ZNF581: variants seen among roughly 807,000 people sequenced by gnomAD.
ZNF581 encodes zinc finger protein 581.
In ZNF581, 1 loss-of-function variant was observed where a neutral mutation model predicts 1.2. The ratio of observed to expected loss-of-function variants is 0.83; its 90% confidence interval spans 0.30 to 3.95. The LOEUF (loss-of-function observed/expected upper bound fraction) is 3.95. Ranked by LOEUF, ZNF581 falls within the 30% of genes most tolerant of loss-of-function variation. The probability of loss-of-function intolerance (pLI) is 0.18; values close to 1 mark genes in which losing one functional copy is unlikely to be tolerated. For missense variants in ZNF581, 273 were observed against 274.6 expected, an observed-to-expected ratio of 0.99 and a Z score of 0.04; for synonymous variants, 105 against 109.2, an observed-to-expected ratio of 0.96 and a Z score of 0.24.
chr19:55,638,043 T>C (rs181754722), upstream of ZNF581, among the ~76,000 whole-genome samples: 61 of 152,300 alleles, frequency 4.0e-4, no homozygotes, highest in Non-Finnish European at 7.5e-4. Context: ...AGTGAATACC[T>C]GAGGCTGGGT....
chr19:55,639,249 C>T (rs572033137), upstream of ZNF581, among the ~76,000 whole-genome samples: 8 of 152,022 alleles, frequency 5.3e-5, no homozygotes, highest in African/African-American at 1.7e-4. Context: ...GGATGCTGCT[C>T]AACACTCTAC....
At chr19:55,639,975 AGT>A (rs1982346084), upstream of ZNF581, among the ~76,000 whole-genome samples, 1 of 152,232 alleles carries the variant, frequency 6.6e-6, no homozygotes, top group Non-Finnish European at 1.5e-5. Flanking sequence ...ACATTTCAAG[AGT>A]GTAAGAGTCC....
At chr19:55,639,801 GAGA>G (rs1982332734), upstream of ZNF581, among the ~76,000 whole-genome samples, 1 of 152,140 alleles carries the variant, frequency 6.6e-6, no homozygotes, top group African/African-American at 2.4e-5. Context: ...ACTTTTAGTA[GAGA>G]AGGAGTTTCA....
At chr19:55,635,005 T>C (rs1473758259), upstream of ZNF581, 1 of 152,086 alleles carries the variant, frequency 6.6e-6, no homozygotes, top group Admixed American at 6.6e-5. Context: ...AAGTCGTCAC[T>C]GCGGCCGCTT....
rs866915317 is a variant in ZNF581 at position 55,644,476 on chromosome 19, G to C, written c.-19-77G>C. On this transcript the variant is annotated intron_variant, in intron 1 of 1. Coordinates refer to ENST00000270451, the MANE Select transcript of ZNF581 (RefSeq NM_016535.4). This position sits in a 1 kb window ranked among gnomAD's most constrained non-coding sequence, Gnocchi z 4.3. ...GCAGAGGTCCTGGGCCGGGTATAGG[G>C]AGGGAAAAGGATGGAGCCTGTGGTG... The C allele has an allele frequency of 1.1e-6, 1 of 929,012 alleles. No individual in the cohort carries two copies. The highest frequency in any genetic ancestry group is 1.7e-5 in the African/African-American group (1 of 59,996). 57.5% of individuals were successfully genotyped at this position (929,012 alleles called of 1,614,324 possible).
At position 55,644,204 on chromosome 19, in the gene ZNF581, A is replaced by AG. The variant is rs1982716342; in HGVS notation, c.-19-345dup. Among the ~76,000 whole-genome samples, 1 of 137,414 alleles carries AG rather than the reference A, an allele frequency of 7.3e-6. No individual in the cohort carries two copies. Among genetic ancestry groups the AG allele is most frequent in the African/African-American group, 2.7e-5 (1 of 37,374 alleles). 90.1% of individuals were successfully genotyped at this position (137,414 alleles called of 152,430 possible). A position where few individuals can be genotyped will look rare whatever the true frequency, so the allele number is the denominator to read the frequency against. On this transcript the variant is annotated intron_variant, in intron 1 of 1. Transcript: ENST00000270451. The surrounding 1 kb of genome is among the most constrained non-coding windows in gnomAD (Gnocchi z 4.3). The stretch of plus-strand genomic sequence containing the variant: ...GCAGACCCTGGAAAGGGCTAGAAGG[A>AG]GGGGAGGGAGAGGCCTGGAGGCCTG...
chr19:55,641,001 C>T, upstream of ZNF581: 4 of 985,386 alleles, frequency 4.1e-6, no homozygotes, highest in Non-Finnish European at 4.8e-6. Context: ...TTCCGGCCGG[C>T]GCCTTTTCCC....
Position 55,644,091 on chromosome 19 carries a change from G to C in ZNF581, c.-20+317G>C, listed in dbSNP as rs1366689939. 6.6e-6 allele frequency among the ~76,000 whole-genome samples: 1 copy of C among 152,174 alleles called. No homozygotes were observed. Among genetic ancestry groups the C allele is most frequent in the Admixed American group, 6.5e-5 (1 of 15,274 alleles). ...TGGCTGGAGAGAGGGCCGGAACCTGGGGGTCCTAACGTCGGAGCCCCTGTG... is the reference window on the plus strand; with the variant it reads ...TGGCTGGAGAGAGGGCCGGAACCTGCGGGTCCTAACGTCGGAGCCCCTGTG... On this transcript the variant is annotated intron_variant, in intron 1 of 1. Transcript: ENST00000270451. The surrounding 1 kb of genome is among the most constrained non-coding windows in gnomAD (Gnocchi z 4.3).
In ZNF581 at chr19:55,644,039, G is replaced by C. The variant is rs1309919211; in HGVS notation, c.-20+265G>C. 6.6e-6 allele frequency among the ~76,000 whole-genome samples: 1 copy of C among 152,226 alleles called. No homozygotes were observed. Among genetic ancestry groups the C allele is most frequent in the African/African-American group, 2.4e-5 (1 of 41,458 alleles). ...GAGAGAACCTGAGGTGGGTGGACGGGTGGGAGCACGGAGTTGTTCAGACAC... is the reference window on the plus strand; with the variant it reads ...GAGAGAACCTGAGGTGGGTGGACGGCTGGGAGCACGGAGTTGTTCAGACAC... On this transcript the variant is annotated intron_variant, in intron 1 of 1. Coordinates refer to ENST00000270451, the MANE Select transcript of ZNF581 (RefSeq NM_016535.4). This position sits in a 1 kb window ranked among gnomAD's most constrained non-coding sequence, Gnocchi z 4.3.
upstream of ZNF581, chr19:55,643,057 C>T (rs992185525): frequency 9.7e-6 from 13 of 1,341,864 alleles, no homozygotes; most frequent in Non-Finnish European, 1.2e-5. Flanking sequence ...CTGCCCTGCC[C>T]GTCTCAGGGC....
upstream of ZNF581, chr19:55,640,148 T>C (rs528789660): frequency 1.1e-3 from 1,064 of 985,480 alleles, 18 homozygotes; most frequent in African/African-American, 0.017. Flanking sequence ...ATGCTGCTGC[T>C]GCCGCCCTCC....
rs554739787 is a variant in ZNF581, at chr19:55,644,507, C to T, written c.-19-46C>T. The stretch of plus-strand genomic sequence containing the variant: ...AAAGGATGGAGCCTGTGGTGCTGAG[C>T]TGCCCTCTTCTATATAACCTTCTTA... On this transcript the variant is annotated intron_variant, in intron 1 of 1. Transcript: ENST00000270451. This position sits in a 1 kb window ranked among gnomAD's most constrained non-coding sequence, Gnocchi z 4.3. The T allele has an allele frequency of 1.6e-4, 203 of 1,249,704 alleles. 2 individuals carry two copies. The South Asian group carries it at 2.8e-3, about 17-fold the overall frequency. 77.4% of individuals were successfully genotyped at this position (1,249,704 alleles called of 1,614,324 possible). A position where few individuals can be genotyped will look rare whatever the true frequency, so the allele number is the denominator to read the frequency against.
Position 55,645,212 on chromosome 19 carries a change from C to T in ZNF581, c.*47C>T, listed in dbSNP as rs751988575. 2 of 1,474,560 alleles carry T rather than the reference C, an allele frequency of 1.4e-6. No individual in the cohort carries two copies. The highest frequency in any genetic ancestry group is 1.8e-6 in the Non-Finnish European group (2 of 1,100,328). 91.3% of individuals were successfully genotyped at this position (1,474,560 alleles called of 1,614,324 possible). ...GGTACCACAGGACTTTGCAGGGAGCCTGGACTCCTGTCCAGACACCTGGTG... is the reference window on the plus strand; with the variant it reads ...GGTACCACAGGACTTTGCAGGGAGCTTGGACTCCTGTCCAGACACCTGGTG... On this transcript the variant is annotated 3_prime_UTR_variant, in exon 2 of 2. Coordinates refer to ENST00000270451, the MANE Select transcript of ZNF581 (RefSeq NM_016535.4).
At position 55,644,497 on chromosome 19, in the gene ZNF581, T is replaced by C. The variant is rs1387388089; in HGVS notation, c.-19-56T>C. The C allele has an allele frequency of 8.8e-7, 1 of 1,133,828 alleles. No homozygotes were observed. The highest frequency in any genetic ancestry group is 2.6e-5 in the East Asian group (1 of 38,822). 70.2% of individuals were successfully genotyped at this position (1,133,828 alleles called of 1,614,324 possible). On this transcript the variant is annotated intron_variant, in intron 1 of 1. Transcript: ENST00000270451. The surrounding 1 kb of genome is among the most constrained non-coding windows in gnomAD (Gnocchi z 4.3). ...TAGGGAGGGAAAAGGATGGAGCCTG[T>C]GGTGCTGAGCTGCCCTCTTCTATAT... is the stretch of plus-strand genomic sequence containing the variant.
Position 55,644,203 on chromosome 19 carries a change from G to A in ZNF581, c.-19-350G>A, listed in dbSNP as rs1982716108. Among the ~76,000 whole-genome samples, 1 of 152,098 alleles carries A rather than the reference G, an allele frequency of 6.6e-6. No homozygotes were observed. The highest frequency in any genetic ancestry group is 2.4e-5 in the African/African-American group (1 of 41,428). ...CGCAGACCCTGGAAAGGGCTAGAAG[G>A]AGGGGAGGGAGAGGCCTGGAGGCCT... On this transcript the variant is annotated intron_variant, in intron 1 of 1. Transcript: ENST00000270451. This position sits in a 1 kb window ranked among gnomAD's most constrained non-coding sequence, Gnocchi z 4.3.
At chr19:55,643,055 C>A, upstream of ZNF581, 2 of 1,343,538 alleles carry the variant, frequency 1.5e-6, no homozygotes, top group Non-Finnish European at 9.6e-7. Flanking sequence ...TGCTGCCCTG[C>A]CCGTCTCAGG....
Position 55,644,618 on chromosome 19 carries a change from C to G in ZNF581, c.47C>G (p.Ser16Cys), listed in dbSNP as rs1982739388. 4 of 1,608,524 alleles carry G rather than the reference C, an allele frequency of 2.5e-6. No homozygotes were observed. The South Asian group carries it at 4.4e-5, about 18-fold the overall frequency. ...SPCPQPLAFS[S>C]VETMEGPPRR... Reference sequence around the variant, plus strand: ...TGCCCTCAGCCTCTGGCATTTTCCTCCGTTGAGACCATGGAGGGCCCTCCC... The same window carrying G: ...TGCCCTCAGCCTCTGGCATTTTCCTGCGTTGAGACCATGGAGGGCCCTCCC... Residue 16 changes from serine (S) to cysteine (C), a missense_variant, in exon 2 of 2, where the codon TCC (serine) becomes TGC (cysteine). By Grantham distance (112) the Ser-to-Cys change is moderately radical. Transcript: ENST00000270451. The surrounding 1 kb of genome is among the most constrained non-coding windows in gnomAD (Gnocchi z 4.3).
upstream of ZNF581, chr19:55,642,291 G>A (rs1982552258): frequency 1.6e-6 from 2 of 1,248,906 alleles, no homozygotes; most frequent in Non-Finnish European, 2.0e-6. Flanking sequence ...GCGGGGTTTT[G>A]CAGAGCTCAG....
At chr19:55,640,937 A>C (rs1982419725), upstream of ZNF581, 1 of 984,972 alleles carries the variant, frequency 1.0e-6, no homozygotes, top group Non-Finnish European at 1.2e-6. Context: ...CGCAGAGGCG[A>C]GGGGTGGGAG....
Sources: allele counts gnomAD v4.1 joint callset (sites outside exome capture counted in the v4.1 genomes callset), GRCh38; gene constraint gnomAD v4.1.1; non-coding constraint Gnocchi (gnomAD v3.1); transcripts MANE v1.5; gene names NCBI Gene and HGNC (gene_info 2026-07-23, HGNC 2026-07-21).